SMIM20: variants seen among roughly 807,000 people sequenced by gnomAD.
SMIM20 encodes mitochondrial translation regulation assembly intermediate of cytochrome c oxidase protein of 7 kDa.
Under a neutral mutation model 8.7 loss-of-function variants are expected in SMIM20, and 3 were observed. The observed-to-expected ratio is 0.34, with a 90% CI of 0.16 to 0.89. SMIM20 has a LOEUF of 0.89. SMIM20 is among the 40% of genes least tolerant of loss of function. The pLI is 0.49. For synonymous variants in SMIM20, 44 were observed against 33.6 expected (o/e 1.31, Z -1.07); for missense variants, 85 against 84.8 (o/e 1.00, Z -0.01).
At chr4:25,917,189 G>A (rs2109362356) in intron 1 of SMIM20, among the ~76,000 whole-genome samples, 1 of 151,800 alleles carries the variant, frequency 6.6e-6, no homozygotes, top group Non-Finnish European at 1.5e-5. Context: ...TTGTCTAAGG[G>A]GGCAAGAAAA....
At chr4:25,918,561 A>G (rs954615043) in intron 1 of SMIM20, among the ~76,000 whole-genome samples, 1 of 151,484 alleles carries the variant, frequency 6.6e-6, no homozygotes, top group Non-Finnish European at 1.5e-5. Flanking sequence ...TGGAGGCTGG[A>G]GTGCAATGGT....
chr4:25,928,340 G>A lies in SMIM20; in HGVS notation c.137G>A (p.Gly46Glu), dbSNP rs1711564611. The A allele has an allele frequency of 6.5e-7, 1 of 1,549,482 alleles. No individual in the cohort carries two copies. The highest frequency in any genetic ancestry group is 1.4e-5 in the African/African-American group (1 of 72,806). Reference sequence around the variant, plus strand: ...AAGGAACAAGCTATAAATCGGGCTGGAATTGTTCAAGAGGATGTGCAGCCA... The same window carrying A: ...AAGGAACAAGCTATAAATCGGGCTGAAATTGTTCAAGAGGATGTGCAGCCA... ...YKKEQAINRA[G>E]IVQEDVQPPG... The change falls in exon 2 of 3, where the codon GGA (glycine) becomes GAA (glutamate). Residue 46 changes from glycine to glutamate, a missense_variant. Gly to Glu is a moderately conservative substitution (Grantham distance 98). Coordinates refer to ENST00000506197, the MANE Select transcript of SMIM20 (RefSeq NM_001145432.3).
chr4:25,927,225 G>A (rs893710448), intron 1 of SMIM20, among the ~76,000 whole-genome samples: 5 of 152,178 alleles, frequency 3.3e-5, no homozygotes, highest in Non-Finnish European at 7.3e-5. Flanking sequence ...TTGGATATCA[G>A]GATTCCCATA....
chr4:25,919,277 GATTA>G (rs1169255350), intron 1 of SMIM20, among the ~76,000 whole-genome samples: 4 of 152,006 alleles, frequency 2.6e-5, no homozygotes, highest in South Asian at 4.1e-4. Flanking sequence ...TATTGGATTG[GATTA>G]ATTTTCATTT....
In SMIM20 at chr4:25,928,389, T is replaced by A. The variant is rs1437849922; in HGVS notation, c.166+20T>A. On this transcript the variant is annotated intron_variant, in intron 2 of 2. Coordinates refer to ENST00000506197, the MANE Select transcript of SMIM20 (RefSeq NM_001145432.3). ...CACCAGGTAAACTGAAAAAAAAAAATCAAAACCAAATCTTATTTGTACTAC... is the reference window on the plus strand; with the variant it reads ...CACCAGGTAAACTGAAAAAAAAAAAACAAAACCAAATCTTATTTGTACTAC... 1 of 1,541,718 alleles carries A rather than the reference T, an allele frequency of 6.5e-7. No individual in the cohort carries two copies. Among genetic ancestry groups the A allele is most frequent in the South Asian group, 1.2e-5 (1 of 83,102 alleles).
At chr4:25,924,211 A>T in intron 1 of SMIM20, among the ~76,000 whole-genome samples, 1 of 152,248 alleles carries the variant, frequency 6.6e-6, no homozygotes, top group South Asian at 2.1e-4. Context: ...AAAGCAACTG[A>T]AAAGCTTTTG....
chr4:25,918,965 C>T (rs1719148386), intron 1 of SMIM20, among the ~76,000 whole-genome samples: 1 of 124,468 alleles, frequency 8.0e-6, no homozygotes, highest in African/African-American at 3.1e-5. Context: ...ACTGCAGTGG[C>T]GCAATCTCGG....
At chr4:25,914,491 A>C in intron 1 of SMIM20, 69 bp downstream of exon 1, 32 of 1,339,954 alleles carry the variant, frequency 2.4e-5, no homozygotes, top group Middle Eastern at 1.9e-4. Context: ...TGTGAGCTCC[A>C]CGTGGTGCCG....
intron 1 of SMIM20, among the ~76,000 whole-genome samples, chr4:25,925,463 T>C (rs1471261862): frequency 5.9e-5 from 9 of 152,072 alleles, no homozygotes; most frequent in African/African-American, 2.2e-4. Flanking sequence ...TCTTGAACTC[T>C]TGACCTCAGG....
intron 1 of SMIM20, among the ~76,000 whole-genome samples, chr4:25,922,922 A>G (rs1246524326): frequency 6.6e-6 from 1 of 152,244 alleles, no homozygotes; most frequent in African/African-American, 2.4e-5. Flanking sequence ...AACAAAGCCA[A>G]GGAGATCTTC....
At chr4:25,915,051 A>T (rs753597438) in intron 1 of SMIM20, among the ~76,000 whole-genome samples, 1 of 152,146 alleles carries the variant, frequency 6.6e-6, no homozygotes, top group Admixed American at 6.5e-5. Context: ...CCACTCCCCA[A>T]GATGTTTTTT....
chr4:25,914,631 C>T (rs898344870), intron 1 of SMIM20, among the ~76,000 whole-genome samples: 5 of 152,202 alleles, frequency 3.3e-5, no homozygotes, highest in East Asian at 3.9e-4. Flanking sequence ...TTTGTGGCTA[C>T]GTCATCTATG....
chr4:25,928,457 T>G (rs1711571067), intron 2 of SMIM20, 88 bp downstream of exon 2: 1 of 1,299,460 alleles, frequency 7.7e-7, no homozygotes, highest in African/African-American at 1.5e-5. Context: ...GCGTGGAGAG[T>G]GGGAAAATGC....
intron 1 of SMIM20, among the ~76,000 whole-genome samples, chr4:25,917,727 C>T (rs977664556): frequency 6.6e-6 from 1 of 152,180 alleles, no homozygotes; most frequent in African/African-American, 2.4e-5. Context: ...TCCTGTCCAC[C>T]TCGCTCCACC....
At chr4:25,915,456 C>T (rs945373484) in intron 1 of SMIM20, among the ~76,000 whole-genome samples, 2 of 152,206 alleles carry the variant, frequency 1.3e-5, no homozygotes, top group Admixed American at 6.5e-5. Context: ...GCGAAAGCTC[C>T]GTGTAAATGT....
chr4:25,922,783 G>C (rs1046594294), intron 1 of SMIM20, among the ~76,000 whole-genome samples: 1 of 152,166 alleles, frequency 6.6e-6, no homozygotes, highest in African/African-American at 2.4e-5. Context: ...AGTCCATGTA[G>C]AGCCAAGTGT....
rs1560389248 is a variant in SMIM20 at position 25,929,188 on chromosome 4, A to C, written c.201A>C (p.Lys67Asn). 6.4e-7 allele frequency: 1 copy of C among 1,551,982 alleles called. No homozygotes were observed. ...LKVWSDPFGR[K>N] ...TGTGGTCTGATCCATTTGGCAGGAA[A>C]TGAGAGGGCTGTCATCAGCTCTGAT... The change falls in exon 3 of 3, where the codon AAA becomes AAC. Residue 67 changes from lysine (K) to asparagine (N), a missense_variant. By Grantham distance (94) the Lys-to-Asn change is moderately conservative. Coordinates refer to ENST00000506197, the MANE Select transcript of SMIM20 (RefSeq NM_001145432.3).
intron 1 of SMIM20, among the ~76,000 whole-genome samples, chr4:25,926,047 C>T (rs1219947951): frequency 1.3e-5 from 2 of 152,270 alleles, no homozygotes; most frequent in Non-Finnish European, 2.9e-5. Context: ...AATTATTTCA[C>T]TCCTGATAGA....
chr4:25,923,719 C>T (rs906599477), intron 1 of SMIM20, among the ~76,000 whole-genome samples: 8 of 152,242 alleles, frequency 5.3e-5, no homozygotes, highest in Admixed American at 3.3e-4. Context: ...AGGCAGCACA[C>T]GGTACTGGAA....
Sources: allele counts gnomAD v4.1 joint callset (sites outside exome capture counted in the v4.1 genomes callset), GRCh38; gene constraint gnomAD v4.1.1; transcripts MANE v1.5; gene names NCBI Gene and HGNC (gene_info 2026-07-23, HGNC 2026-07-21).